The following PCM1 variants were observed in gnomAD, a reference collection of about 807,000 sequenced individuals.
The protein encoded by PCM1 is pericentriolar material 1 protein.
In PCM1, 157 loss-of-function variants were observed where a neutral mutation model predicts 241.9. The ratio of observed to expected loss-of-function variants is 0.65; its 90% confidence interval spans 0.57 to 0.74. The LOEUF (loss-of-function observed/expected upper bound fraction) is 0.74. Ranked by LOEUF, PCM1 falls within the 30% of genes least tolerant of loss-of-function variation. The pLI, the probability that PCM1 is intolerant of heterozygous loss-of-function variation, is 0.00. For missense variants in PCM1, 3,478 were observed against 2,360.1 expected (o/e 1.47, Z -9.81); for synonymous variants, 1,085 against 784.9 (o/e 1.38, Z -6.39).
intron 23 of PCM1, among the ~76,000 whole-genome samples, chr8:17,977,120 A>T (rs1417381818): frequency 1.3e-5 from 2 of 152,208 alleles, no homozygotes; most frequent in East Asian, 3.8e-4. Flanking sequence ...TGTTAGAATA[A>T]CATACTTAAA....
In PCM1 at chr8:18,022,039, A is replaced by C. The variant is rs955815453; in HGVS notation, c.5842-3322A>C. Among the ~76,000 whole-genome samples, 4 of 152,294 alleles carry C rather than the reference A, an allele frequency of 2.6e-5. No individual in the cohort carries two copies. The East Asian group carries it at 7.7e-4, about 29-fold the overall frequency. On this transcript the variant is annotated intron_variant, in intron 36 of 38. Coordinates refer to ENST00000325083, the MANE Select transcript of PCM1 (RefSeq NM_006197.4). ...GGATCTTTTGGAAACAACAGCAGAG[A>C]AAAATTGCCCTTGAGCCTCATTGGA...
In PCM1 at chr8:17,991,624, A is replaced by T. The variant is rs2084663258; in HGVS notation, c.4614A>T (p.Ser1538=). 6.3e-7 allele frequency: 1 copy of T among 1,582,172 alleles called. No homozygotes were observed. Among genetic ancestry groups the T allele is most frequent in the Non-Finnish European group, 8.6e-7 (1 of 1,162,946 alleles). The part of the protein sequence containing the change: ...ERMKTEAESN[S]NMRCTCRIIE... ...TGAAGACTGAGGCTGAAAGTAACTC[A>T]AATATGAGATGCACCTGCAGGATTA... The change falls in exon 28 of 39, where the codon TCA becomes TCT. Residue 1538 remains serine (S), a synonymous_variant. Transcript: ENST00000325083.
intron 35 of PCM1, among the ~76,000 whole-genome samples, chr8:18,014,282 G>C (rs1435767875): frequency 6.6e-6 from 1 of 151,852 alleles, no homozygotes; most frequent in Non-Finnish European, 1.5e-5. Flanking sequence ...CAAGAGCATC[G>C]CATCTTTAGA....
rs1554681537 is a variant in PCM1 at position 17,966,060 on chromosome 8, C to T, written c.2917C>T (p.Gln973Ter). ...TTATCGTCCTTTAGCCAAGACAAGG[C>T]AACAGAATATCAGCATGCAACGGCA... ...ENYRPLAKTRQQNISMQRQEN... is the reference protein window; with the variant it reads ...ENYRPLAKTR Residue 973 changes from glutamine (Q) to a stop codon, truncating the protein, a stop_gained, in exon 19 of 39, where the codon CAA (glutamine) becomes TAA (stop). Transcript: ENST00000325083. LOFTEE classifies it high-confidence loss of function. 3 of 1,613,784 alleles carry T rather than the reference C, an allele frequency of 1.9e-6. No individual in the cohort carries two copies. Among genetic ancestry groups the T allele is most frequent in the African/African-American group, 1.3e-5 (1 of 75,026 alleles).
chr8:17,958,817 G>A (rs746119584), intron 13 of PCM1, among the ~76,000 whole-genome samples: 1 of 152,050 alleles, frequency 6.6e-6, no homozygotes, highest in Non-Finnish European at 1.5e-5. Context: ...CATCTCCCGG[G>A]TTCAAGCGAT....
intron 21 of PCM1, 97 bp from the exon 22 acceptor site, chr8:17,969,479 AT>A: frequency 1.1e-6 from 1 of 894,350 alleles, no homozygotes; most frequent in Non-Finnish European, 1.7e-6. Flanking sequence ...GTTTTGGTGG[AT>A]TTGAATGACA....
chr8:18,003,482 C>T (rs1397711869), intron 29 of PCM1, among the ~76,000 whole-genome samples: 1 of 152,170 alleles, frequency 6.6e-6, no homozygotes, highest in Non-Finnish European at 1.5e-5. Context: ...GTCAGTTTCT[C>T]CTGTTTTTCA....
At chr8:17,971,476 T>C (rs1047663933) in intron 22 of PCM1, among the ~76,000 whole-genome samples, 1 of 152,230 alleles carries the variant, frequency 6.6e-6, no homozygotes, top group Non-Finnish European at 1.5e-5. Flanking sequence ...AGACGACCGA[T>C]GAGTACCTAT....
chr8:17,962,314 T>C (rs1421287644), intron 16 of PCM1, 140 bp downstream of exon 16: 2 of 454,664 alleles, frequency 4.4e-6, no homozygotes, highest in Non-Finnish European at 7.5e-6. Context: ...GTGCCTTTTT[T>C]AGTAGACACA....
At chr8:18,011,126 G>T in intron 32 of PCM1, 111 bp from the exon 33 acceptor site, 1 of 675,236 alleles carries the variant, frequency 1.5e-6, no homozygotes. Context: ...ATCAAAAATG[G>T]TTCTTTGTAT....
Position 17,938,733 on chromosome 8 carries a change from T to C in PCM1, c.343-7T>C, listed in dbSNP as rs368530216. 1.6e-5 allele frequency: 25 copies of C among 1,602,882 alleles called. No homozygotes were observed. The highest frequency in any genetic ancestry group is 5.0e-5 in the Admixed American group (3 of 59,672). On this transcript the variant is annotated splice_polypyrimidine_tract_variant and splice_region_variant and intron_variant, in intron 4 of 38. Transcript: ENST00000325083. ...TTTGTGTGATTTGATTTCTTTTTCA[T>C]ATATAGAGAAGCATTGGAAGTGATT...
chr8:17,961,145 G>A (rs1194689226), intron 15 of PCM1, among the ~76,000 whole-genome samples: 2 of 152,102 alleles, frequency 1.3e-5, no homozygotes, highest in Admixed American at 1.3e-4. Context: ...GGTTTAAAGA[G>A]TAAGTTGTAT....
intron 21 of PCM1, among the ~76,000 whole-genome samples, chr8:17,968,337 A>C (rs779128678): frequency 6.6e-6 from 1 of 152,164 alleles, no homozygotes; most frequent in Non-Finnish European, 1.5e-5. Context: ...GCAAGGGATA[A>C]CATGAAATTT....
chr8:17,962,158 C>T lies in PCM1; in HGVS notation c.2447C>T (p.Ser816Leu), dbSNP rs767701281. The stretch of plus-strand genomic sequence containing the variant: ...TCTGTTTTTGAGCCTGAAGATTCTT[C>T]AATAGTAGATAATGAGGTATTGTAA... ...SKSVFEPEDS[S>L]IVDNELWSEM... The change falls in exon 16 of 39, where the codon TCA becomes TTA. Residue 816 changes from serine (S) to leucine (L), a missense_variant. Transcript: ENST00000325083. The T allele has an allele frequency of 1.2e-6, 2 of 1,605,582 alleles. No homozygotes were observed. The highest frequency in any genetic ancestry group is 2.7e-5 in the African/African-American group (2 of 74,956).
At chr8:18,002,071 T>TTTC (rs1554751314) in intron 29 of PCM1, among the ~76,000 whole-genome samples, 1 of 72,294 alleles carries the variant, frequency 1.4e-5, no homozygotes, top group African/African-American at 9.9e-5. Context: ...TTTCTTTTTT[T>TTTC]TTTTTTCTTT....
intron 29 of PCM1, among the ~76,000 whole-genome samples, chr8:18,005,486 G>A (rs1276131933): frequency 1.3e-5 from 2 of 151,896 alleles, no homozygotes; most frequent in Non-Finnish European, 2.9e-5. Flanking sequence ...GGGGGGGACT[G>A]AACTGAGAAA....
Position 17,964,820 on chromosome 8 carries a change from T to TTGAC in PCM1, c.2855+57_2855+60dup, listed in dbSNP as rs1197251184. ...CTTAATTTAAGAGGCTCAGGTCTTT[T>TTGAC]TGACTGACAGCAAGCACTTCTGCAG... On this transcript the variant is annotated intron_variant, in intron 18 of 38. Transcript: ENST00000325083. The TTGAC allele has an allele frequency of 2.3e-5, 32 of 1,372,866 alleles. No individual in the cohort carries two copies. In the Admixed American group the frequency reaches 2.9e-4, roughly 12 times the overall value. 85.0% of individuals were successfully genotyped at this position (1,372,866 alleles called of 1,614,324 possible). A position where few individuals can be genotyped will look rare whatever the true frequency, so the allele number is the denominator to read the frequency against.
chr8:18,024,594 C>T (rs1297647215), intron 36 of PCM1, among the ~76,000 whole-genome samples: 1 of 151,944 alleles, frequency 6.6e-6, no homozygotes, highest in Non-Finnish European at 1.5e-5. Context: ...GAAATTAAGT[C>T]AAAGGTAGAT....
chr8:17,940,461 C>T (rs1395375602), intron 6 of PCM1, among the ~76,000 whole-genome samples: 7 of 152,064 alleles, frequency 4.6e-5, no homozygotes, highest in African/African-American at 1.7e-4. Flanking sequence ...TAAGAAGCAT[C>T]GAGGAAGTTA....
Sources: gnomAD v4.1 joint callset for allele counts (sites outside exome capture counted in the v4.1 genomes callset) on GRCh38, gnomAD v4.1.1 for gene constraint, MANE v1.5 for transcripts, NCBI Gene and HGNC (gene_info 2026-07-23, HGNC 2026-07-21) for gene names.